BRI3BP: variants seen among roughly 807,000 people sequenced by gnomAD.
BRI3BP encodes BRI3-binding protein.
In BRI3BP, 7 loss-of-function variants were observed where a neutral mutation model predicts 15.8. That is an observed-to-expected ratio of 0.44 (90% CI 0.25 to 0.83). The LOEUF (loss-of-function observed/expected upper bound fraction) is 0.83, where lower values mean the gene tolerates loss of function less well. Among genes scored for constraint, BRI3BP ranks in the 40% least tolerant of loss-of-function variants. BRI3BP has a pLI of 0.20. For missense variants in BRI3BP, 320 were observed against 339.3 expected, an observed-to-expected ratio of 0.94 and a Z score of 0.45; for synonymous variants, 192 against 163.5, an observed-to-expected ratio of 1.17 and a Z score of -1.33.
Position 125,027,626 on chromosome 12 carries a change from T to C in BRI3BP, c.*2196T>C, listed in dbSNP as rs1031255549. On this transcript the variant is annotated 3_prime_UTR_variant, in exon 3 of 3. Transcript: ENST00000341446. Reference sequence around the variant, plus strand: ...CGGAGGTTGCAGTCAGCTGAGATCATACCACCACACTCTAGCCTCAGCAAC... The same window carrying C: ...CGGAGGTTGCAGTCAGCTGAGATCACACCACCACACTCTAGCCTCAGCAAC... 2 of 151,770 alleles carry C rather than the reference T, an allele frequency of 1.3e-5. No individual in the cohort carries two copies. Among genetic ancestry groups the C allele is most frequent in the African/African-American group, 4.8e-5 (2 of 41,334 alleles). The allele number at this position is 151,770 out of a possible 1,614,324, so 9.4% of individuals were successfully genotyped here.
chr12:125,037,593 C>T, the BRI3BP span, among the ~76,000 whole-genome samples: 3 of 151,160 alleles, frequency 2.0e-5, no homozygotes, highest in African/African-American at 4.9e-5. Flanking sequence ...GGGCAGATCA[C>T]GAGGCCAGGA....
chr12:125,003,148 C>G (rs1052451670), intron 1 of BRI3BP, among the ~76,000 whole-genome samples: 2 of 152,196 alleles, frequency 1.3e-5, no homozygotes, highest in African/African-American at 2.4e-5. Context: ...TATCAAGATG[C>G]CTTTGCCCTC....
chr12:125,042,266 T>A, the BRI3BP span, among the ~76,000 whole-genome samples: 1 of 152,214 alleles, frequency 6.6e-6, no homozygotes, highest in Non-Finnish European at 1.5e-5. Context: ...ATAAGCACAG[T>A]ACCCGATAGG....
chr12:125,041,613 G>A, the BRI3BP span, among the ~76,000 whole-genome samples: 2 of 152,138 alleles, frequency 1.3e-5, no homozygotes, highest in Admixed American at 6.6e-5. Flanking sequence ...GTCCCCAGAC[G>A]CTATGTTCTG....
the BRI3BP span, among the ~76,000 whole-genome samples, chr12:125,049,085 C>T: frequency 6.6e-6 from 1 of 152,148 alleles, no homozygotes; most frequent in South Asian, 2.1e-4. Flanking sequence ...CCTCAGCCTC[C>T]CGAGTGGCTG....
rs1594537774 is a variant in BRI3BP, at chr12:125,022,677, C to T, written c.317-2314C>T. Among the ~76,000 whole-genome samples, 3 of 152,072 alleles carry T rather than the reference C, an allele frequency of 2.0e-5. No homozygotes were observed. The South Asian group carries it at 6.2e-4, about 32-fold the overall frequency. On this transcript the variant is annotated intron_variant, in intron 2 of 2. Coordinates refer to ENST00000341446, the MANE Select transcript of BRI3BP (RefSeq NM_080626.6). Reference sequence around the variant, plus strand: ...AGGTAGCTTGGATTACAGGTGTGCGCCACCACGCCCAGCTAATTTTTATAT... The same window carrying T: ...AGGTAGCTTGGATTACAGGTGTGCGTCACCACGCCCAGCTAATTTTTATAT...
At chr12:125,007,381 C>T (rs1279051142) in intron 1 of BRI3BP, among the ~76,000 whole-genome samples, 1 of 152,078 alleles carries the variant, frequency 6.6e-6, no homozygotes, top group African/African-American at 2.4e-5. Context: ...AAAACCCTGT[C>T]TCTACTATTT....
chr12:125,015,514 T>C (rs1168357807), intron 2 of BRI3BP, among the ~76,000 whole-genome samples: 1 of 151,996 alleles, frequency 6.6e-6, no homozygotes, highest in Non-Finnish European at 1.5e-5. Flanking sequence ...TGAATTTCTG[T>C]TGTAAACCAC....
chr12:125,021,522 G>A (rs1955298919), intron 2 of BRI3BP, among the ~76,000 whole-genome samples: 1 of 152,148 alleles, frequency 6.6e-6, no homozygotes, highest in African/African-American at 2.4e-5. Context: ...GGGCAACATA[G>A]CGAGATCCTA....
intron 1 of BRI3BP, among the ~76,000 whole-genome samples, chr12:124,998,605 G>A (rs1021250729): frequency 3.3e-5 from 5 of 152,128 alleles, no homozygotes; most frequent in Admixed American, 6.6e-5. Flanking sequence ...CAGGGGCTGG[G>A]GGAGGGAGCA....
At chr12:125,043,322 G>C in the BRI3BP span, among the ~76,000 whole-genome samples, 1 of 152,048 alleles carries the variant, frequency 6.6e-6, no homozygotes, top group Non-Finnish European at 1.5e-5. Context: ...GCTGCTCAAC[G>C]TCTACCCCAG....
rs145738187 is a variant in BRI3BP, at chr12:125,026,442, C to G, written c.*1012C>G. 64 of 152,032 alleles carry G rather than the reference C, an allele frequency of 4.2e-4. No homozygotes were observed. Among genetic ancestry groups the G allele is most frequent in the African/African-American group, 1.4e-3 (60 of 41,456 alleles). The allele number at this position is 152,032 out of a possible 1,614,324, so 9.4% of individuals were successfully genotyped here. A position where few individuals can be genotyped will look rare whatever the true frequency, so the allele number is the denominator to read the frequency against. ...GGAACAATTAGCAGCAATAAGCAAG[C>G]CTTTGAAAAGATCTGAATTCTTTTT... On this transcript the variant is annotated 3_prime_UTR_variant, in exon 3 of 3. Transcript: ENST00000341446.
the BRI3BP span, among the ~76,000 whole-genome samples, chr12:125,048,182 C>T: frequency 6.6e-6 from 1 of 151,952 alleles, no homozygotes; most frequent in Non-Finnish European, 1.5e-5. Flanking sequence ...GTGGTTTTAT[C>T]CCAGGGGAGT....
At chr12:125,048,363 AT>A in the BRI3BP span, among the ~76,000 whole-genome samples, 1 of 152,194 alleles carries the variant, frequency 6.6e-6, no homozygotes, top group Non-Finnish European at 1.5e-5. Context: ...TAAAAGGCAA[AT>A]CACAACGGAC....
chr12:124,996,387 C>T (rs1164941058), intron 1 of BRI3BP, among the ~76,000 whole-genome samples: 1 of 152,158 alleles, frequency 6.6e-6, no homozygotes, highest in Non-Finnish European at 1.5e-5. Context: ...CTCACGGCAA[C>T]GTCTGCCTCC....
chr12:125,004,582 C>T (rs1040535655), intron 1 of BRI3BP, among the ~76,000 whole-genome samples: 1 of 152,108 alleles, frequency 6.6e-6, no homozygotes, highest in Non-Finnish European at 1.5e-5. Context: ...AGGGAGTCGC[C>T]ATATACCCCT....
At position 125,008,636 on chromosome 12, in the gene BRI3BP, G is replaced by A. The variant is rs1435033022; in HGVS notation, c.214-3898G>A. 3.9e-5 allele frequency among the ~76,000 whole-genome samples: 6 copies of A among 152,140 alleles called. No individual in the cohort carries two copies. In the East Asian group the frequency reaches 7.7e-4, roughly 20 times the overall value. On this transcript the variant is annotated intron_variant, in intron 1 of 2. Transcript: ENST00000341446. ...ACCCTCCTCTTCTTTCTAATGCAGC[G>A]GTCCTCAACCTTTTTGGCAGCGGGA...
chr12:124,997,210 T>TTC (rs1565900874), intron 1 of BRI3BP, among the ~76,000 whole-genome samples: 1 of 108,706 alleles, frequency 9.2e-6, no homozygotes, highest in African/African-American at 4.1e-5. Flanking sequence ...TTTGCTTTAC[T>TTC]TCTCTTTTTT....
chr12:125,018,622 G>A (rs555221072), intron 2 of BRI3BP, among the ~76,000 whole-genome samples: 6 of 151,422 alleles, frequency 4.0e-5, no homozygotes, highest in Non-Finnish European at 7.4e-5. Flanking sequence ...CTGACACGCT[G>A]TTCACAGACT....
Sources: gnomAD v4.1 joint callset for allele counts (sites outside exome capture counted in the v4.1 genomes callset) on GRCh38, gnomAD v4.1.1 for gene constraint, MANE v1.5 for transcripts, NCBI Gene and HGNC (gene_info 2026-07-23, HGNC 2026-07-21) for gene names.